The following MACROD2 variants were observed in gnomAD, a reference collection of about 807,000 sequenced individuals.
MACROD2 encodes mono-ADP ribosylhydrolase 2.
A neutral mutation model predicts 70.4 loss-of-function variants in MACROD2; 36 were observed. That is an observed-to-expected ratio of 0.51 (90% confidence interval 0.39 to 0.68). MACROD2 has a LOEUF of 0.68. MACROD2 is among the 30% of genes least tolerant of loss of function. The pLI, the probability that MACROD2 is intolerant of heterozygous loss-of-function variation, is 0.00. For missense variants in MACROD2, 496 were observed against 538.4 expected (o/e 0.92, Z 0.78); for synonymous variants, 172 against 178.8 (o/e 0.96, Z 0.30).
At chr20:14,390,530 T>C (rs1252672310) in intron 3 of MACROD2, among the ~76,000 whole-genome samples, 1 of 152,202 alleles carries the variant, frequency 6.6e-6, no homozygotes, top group Non-Finnish European at 1.5e-5. Context: ...AGCATGGTAC[T>C]GGCACAAAAA....
intron 8 of MACROD2, among the ~76,000 whole-genome samples, chr20:15,843,321 G>A (rs1003063796): frequency 3.3e-5 from 5 of 152,168 alleles, no homozygotes; most frequent in African/African-American, 4.8e-5. Context: ...TAGGTAAAGT[G>A]TGACTACCGC....
intron 3 of MACROD2, chr20:14,325,764 C>T: frequency 6.2e-7 from 1 of 1,613,910 alleles, no homozygotes; most frequent in Non-Finnish European, 8.5e-7. Flanking sequence ...AGTTGTCCTT[C>T]TTAGTGCCAG....
chr20:14,478,063 G>A (rs1262069206), intron 3 of MACROD2, among the ~76,000 whole-genome samples: 1 of 152,188 alleles, frequency 6.6e-6, no homozygotes, highest in East Asian at 1.9e-4. Flanking sequence ...AGATTAGCAT[G>A]CAGGATATTA....
At chr20:14,208,017 C>G (rs559413003) in intron 3 of MACROD2, among the ~76,000 whole-genome samples, 157 of 152,278 alleles carry the variant, frequency 1.0e-3, no homozygotes, top group Non-Finnish European at 2.1e-3. Context: ...GAAGTGAAAA[C>G]AATTTCTCTG....
intron 17 of MACROD2, 57 bp downstream of exon 17, chr20:16,044,696 G>A (rs1160962131): frequency 6.7e-7 from 1 of 1,483,926 alleles, no homozygotes; most frequent in Non-Finnish European, 9.4e-7. Flanking sequence ...AGAACTATTT[G>A]CAAATGACAT....
intron 5 of MACROD2, among the ~76,000 whole-genome samples, chr20:14,993,876 T>G (rs1254007476): frequency 6.6e-6 from 1 of 152,188 alleles, no homozygotes; most frequent in East Asian, 1.9e-4. Flanking sequence ...ATTTGCCTTA[T>G]TTAGGAATCC....
At chr20:14,296,183 T>A (rs557847719) in intron 3 of MACROD2, among the ~76,000 whole-genome samples, 2 of 152,068 alleles carry the variant, frequency 1.3e-5, no homozygotes, top group South Asian at 4.1e-4. Context: ...AATTATCATA[T>A]TTATAAGCTT....
rs568766016 is a variant in MACROD2 at position 15,844,098 on chromosome 20, CTG to C, written c.646-18644_646-18643del. ...AAATGTACATTTCTTAAAGAGAAAACTGTGAATAGGAGCAGAAACCTAGAACA... is the reference window on the plus strand; with the variant it reads ...AAATGTACATTTCTTAAAGAGAAAACTGAATAGGAGCAGAAACCTAGAACA... On this transcript the variant is annotated intron_variant, in intron 8 of 17. Coordinates refer to ENST00000684519, the MANE Select transcript of MACROD2 (RefSeq NM_001351661.2). Among the ~76,000 whole-genome samples the C allele has an allele frequency of 6.3e-3, 964 of 151,986 alleles. 4 individuals carry two copies. Among genetic ancestry groups the C allele is most frequent in the Middle Eastern group, 0.017 (5 of 294 alleles).
At chr20:15,435,102 A>G (rs949063211) in intron 7 of MACROD2, among the ~76,000 whole-genome samples, 2 of 152,106 alleles carry the variant, frequency 1.3e-5, no homozygotes, top group Non-Finnish European at 2.9e-5. Context: ...GTACGCCAAT[A>G]TCTCAGAAAT....
intron 5 of MACROD2, among the ~76,000 whole-genome samples, chr20:14,973,892 A>AT (rs1286349526): frequency 1.6e-4 from 25 of 152,190 alleles, no homozygotes; most frequent in Non-Finnish European, 2.6e-4. Context: ...CTACCTTATG[A>AT]AAGGTAAAGT....
Position 14,832,166 on chromosome 20 carries a change from C to T in MACROD2, c.418+147207C>T, listed in dbSNP as rs568113422. ...CACGCCATTCTCCTGCCTCAGCCTC[C>T]CGAGTAGCTGGGACTGCAGGTGCCC... On this transcript the variant is annotated intron_variant, in intron 5 of 17. Coordinates refer to ENST00000684519, the MANE Select transcript of MACROD2 (RefSeq NM_001351661.2). Among the ~76,000 whole-genome samples, 97 of 151,202 alleles carry T rather than the reference C, an allele frequency of 6.4e-4. 1 individual carries two copies. The highest frequency in any genetic ancestry group is 3.4e-3 in the Middle Eastern group (1 of 294).
chr20:15,789,217 T>C (rs532622891), intron 8 of MACROD2, among the ~76,000 whole-genome samples: 1 of 152,314 alleles, frequency 6.6e-6, no homozygotes, highest in South Asian at 2.1e-4. Context: ...CAAAAAGAAG[T>C]GCTTACACAT....
intron 4 of MACROD2, among the ~76,000 whole-genome samples, chr20:14,594,809 T>C (rs1040544726): frequency 6.6e-6 from 1 of 152,164 alleles, no homozygotes; most frequent in Non-Finnish European, 1.5e-5. Context: ...GGAGAATCGC[T>C]TGAACCCGGG....
intron 5 of MACROD2, among the ~76,000 whole-genome samples, chr20:15,126,828 A>G (rs1214995647): frequency 6.6e-6 from 1 of 152,154 alleles, no homozygotes; most frequent in Non-Finnish European, 1.5e-5. Context: ...CTTGTAAAAT[A>G]AAAGGATAAT....
intron 5 of MACROD2, among the ~76,000 whole-genome samples, chr20:14,811,980 G>C (rs915893020): frequency 2.6e-5 from 4 of 152,142 alleles, no homozygotes; most frequent in Non-Finnish European, 5.9e-5. Flanking sequence ...CTGTTCGTGG[G>C]AGTGTAAGTT....
intron 3 of MACROD2, among the ~76,000 whole-genome samples, chr20:14,386,511 A>G (rs1042828436): frequency 1.3e-5 from 2 of 152,234 alleles, no homozygotes; most frequent in Non-Finnish European, 2.9e-5. Flanking sequence ...GGCTTGGGCC[A>G]TCCCCTTAGT....
intron 4 of MACROD2, among the ~76,000 whole-genome samples, chr20:14,500,756 A>G (rs1600307844): frequency 1.3e-5 from 2 of 152,172 alleles, no homozygotes; most frequent in South Asian, 4.1e-4. Context: ...TTCTAAGTGA[A>G]CCTCCCTGTT....
At chr20:15,948,991 C>T (rs2065867957) in intron 12 of MACROD2, among the ~76,000 whole-genome samples, 2 of 152,120 alleles carry the variant, frequency 1.3e-5, no homozygotes, top group Non-Finnish European at 2.9e-5. Context: ...CAAATAGGTC[C>T]AAATTTATAT....
intron 5 of MACROD2, among the ~76,000 whole-genome samples, chr20:14,780,905 GTTTTA>G (rs910064953): frequency 1.1e-4 from 16 of 151,912 alleles, no homozygotes; most frequent in Admixed American, 4.6e-4. Flanking sequence ...AACTTTTTTA[GTTTTA>G]TTTTATTTTT....
Sources: gnomAD v4.1 joint callset for allele counts (sites outside exome capture counted in the v4.1 genomes callset) on GRCh38, gnomAD v4.1.1 for gene constraint, MANE v1.5 for transcripts, NCBI Gene and HGNC (gene_info 2026-07-23, HGNC 2026-07-21) for gene names.